PPARGC1A: variants seen among roughly 807,000 people sequenced by gnomAD.
The protein encoded by PPARGC1A is peroxisome proliferator-activated receptor gamma coactivator 1-alpha.
In PPARGC1A, 25 loss-of-function variants were observed where a neutral mutation model predicts 88.7. That is an observed-to-expected ratio of 0.28 (90% confidence interval 0.21 to 0.39). The LOEUF is 0.39. Among genes scored for constraint, PPARGC1A ranks in the 10% least tolerant of loss-of-function variants. The pLI, the probability that PPARGC1A is intolerant of heterozygous loss-of-function variation, is 1.00. For missense variants in PPARGC1A, 880 were observed against 968.7 expected, an observed-to-expected ratio of 0.91 and a Z score of 1.22; for synonymous variants, 363 against 355.6, an observed-to-expected ratio of 1.02 and a Z score of -0.24.
chr4:24,085,015 C>T, the PPARGC1A span, among the ~76,000 whole-genome samples: 1 of 152,174 alleles, frequency 6.6e-6, no homozygotes, highest in Non-Finnish European at 1.5e-5. Flanking sequence ...CATTTACTCA[C>T]TTGATGGATG....
chr4:24,162,993 A>G, the PPARGC1A span, among the ~76,000 whole-genome samples: 4 of 152,090 alleles, frequency 2.6e-5, no homozygotes, highest in East Asian at 7.7e-4. Context: ...TAAGGAAAAC[A>G]AACACCAAGT....
At chr4:24,217,948 T>A in the PPARGC1A span, among the ~76,000 whole-genome samples, 44 of 152,354 alleles carry the variant, frequency 2.9e-4, no homozygotes, top group African/African-American at 9.4e-4. Flanking sequence ...AAGAAACATG[T>A]AATATTTATA....
chr4:23,961,666 A>G, the PPARGC1A span, among the ~76,000 whole-genome samples: 1 of 152,052 alleles, frequency 6.6e-6, no homozygotes, highest in African/African-American at 2.4e-5. Flanking sequence ...TAATTGGGAC[A>G]GGTATTAAAT....
upstream of PPARGC1A, among the ~76,000 whole-genome samples, chr4:23,903,461 C>A (rs1161058298): frequency 1.3e-5 from 2 of 152,140 alleles, no homozygotes; most frequent in Non-Finnish European, 2.9e-5. Context: ...TTGTTGGTAA[C>A]AATTCTACTT....
chr4:24,385,229 G>A, the PPARGC1A span, among the ~76,000 whole-genome samples: 1 of 152,038 alleles, frequency 6.6e-6, no homozygotes, highest in Admixed American at 6.6e-5. Context: ...AATCTCTGGG[G>A]CACCGCTAAA....
the PPARGC1A span, among the ~76,000 whole-genome samples, chr4:23,910,041 A>T: frequency 1.4e-5 from 2 of 146,728 alleles, no homozygotes; most frequent in African/African-American, 5.0e-5. Context: ...TCACTAGAAG[A>T]CCAGAGACAT....
At chr4:24,181,926 G>A in the PPARGC1A span, among the ~76,000 whole-genome samples, 3 of 151,762 alleles carry the variant, frequency 2.0e-5, no homozygotes, top group Non-Finnish European at 4.4e-5. Context: ...GTGAAGGAAC[G>A]TATCCTTCTG....
At chr4:23,880,419 G>A (rs190085338) in intron 2 of PPARGC1A, among the ~76,000 whole-genome samples, 102 of 152,248 alleles carry the variant, frequency 6.7e-4, no homozygotes, top group African/African-American at 2.4e-3. Flanking sequence ...TATTTGTTGA[G>A]TTCTTACTTT....
the PPARGC1A span, among the ~76,000 whole-genome samples, chr4:24,228,321 G>A: frequency 6.6e-6 from 1 of 152,124 alleles, no homozygotes; most frequent in Non-Finnish European, 1.5e-5. Context: ...CATAAAAAAG[G>A]AAGAAATTAT....
the PPARGC1A span, among the ~76,000 whole-genome samples, chr4:24,273,986 G>A: frequency 4.0e-5 from 6 of 151,600 alleles, no homozygotes; most frequent in East Asian, 2.0e-4. Context: ...GTGATCCACC[G>A]CCTCAACCTC....
the PPARGC1A span, among the ~76,000 whole-genome samples, chr4:24,385,309 A>G: frequency 6.6e-6 from 1 of 152,182 alleles, no homozygotes; most frequent in Non-Finnish European, 1.5e-5. Context: ...TAAAATCGAC[A>G]CCCTAATATC....
the PPARGC1A span, among the ~76,000 whole-genome samples, chr4:24,145,273 C>T: frequency 8.5e-5 from 13 of 152,156 alleles, no homozygotes; most frequent in Admixed American, 2.6e-4. Flanking sequence ...CAGCCATGCC[C>T]AGCCAGGCTG....
chr4:24,055,292 G>A, the PPARGC1A span, among the ~76,000 whole-genome samples: 5 of 152,280 alleles, frequency 3.3e-5, no homozygotes, highest in Admixed American at 6.5e-5. Flanking sequence ...TCAGGGTACT[G>A]TATAATGACC....
chr4:24,471,835 C>T, the PPARGC1A span, among the ~76,000 whole-genome samples: 2,557 of 152,352 alleles, frequency 0.017, 34 homozygotes, highest in Non-Finnish European at 0.027. This position sits in a 1 kb window ranked among gnomAD's most constrained non-coding sequence, Gnocchi z 5.4. Context: ...CCCCACCCCC[C>T]CCACCTCCGC....
the PPARGC1A span, among the ~76,000 whole-genome samples, chr4:24,098,829 G>A: frequency 3.2e-4 from 49 of 152,210 alleles, no homozygotes; most frequent in Middle Eastern, 0.01. Flanking sequence ...GTTTGTGCCC[G>A]AAGCAAAATA....
At chr4:24,394,337 G>A in the PPARGC1A span, among the ~76,000 whole-genome samples, 6 of 152,314 alleles carry the variant, frequency 3.9e-5, no homozygotes, top group African/African-American at 1.4e-4. Context: ...CTGGCTGAGA[G>A]AAGGATACAA....
At chr4:24,422,858 C>G in the PPARGC1A span, among the ~76,000 whole-genome samples, 1 of 152,156 alleles carries the variant, frequency 6.6e-6, no homozygotes, top group African/African-American at 2.4e-5. Context: ...CATAATTGCA[C>G]CCCACTAGTT....
At chr4:24,000,863 A>G in the PPARGC1A span, among the ~76,000 whole-genome samples, 2 of 152,214 alleles carry the variant, frequency 1.3e-5, no homozygotes, top group African/African-American at 2.4e-5. Flanking sequence ...ATCCTCTGGT[A>G]CTATGTCACA....
chr4:23,993,630 T>C, the PPARGC1A span, among the ~76,000 whole-genome samples: 1 of 152,052 alleles, frequency 6.6e-6, no homozygotes, highest in African/African-American at 2.4e-5. Context: ...GTGGAAAAGG[T>C]AAACAACTTG....
Sources: gnomAD v4.1 joint callset for allele counts (sites outside exome capture counted in the v4.1 genomes callset) on GRCh38, gnomAD v4.1.1 for gene constraint, Gnocchi (gnomAD v3.1) non-coding constraint, MANE v1.5 for transcripts, NCBI Gene and HGNC (gene_info 2026-07-23, HGNC 2026-07-21) for gene names.